The following IL1RAPL1 variants were observed in gnomAD, a reference collection of about 807,000 sequenced individuals.
IL1RAPL1 encodes interleukin-1 receptor accessory protein-like 1.
IL1RAPL1 carries 3 observed loss-of-function variants against 48.4 expected under a neutral mutation model. The observed-to-expected ratio is 0.06, with a 90% CI of 0.03 to 0.16. The LOEUF (loss-of-function observed/expected upper bound fraction) is 0.16, where lower values mean the gene tolerates loss of function less well. IL1RAPL1 is among the 10% of genes least tolerant of loss of function. The pLI is 1.00. For synonymous variants in IL1RAPL1, 185 were observed against 187.7 expected (o/e 0.99, Z 0.12); for missense variants, 349 against 530.6 (o/e 0.66, Z 3.36).
rs781674023 is a variant in IL1RAPL1, at chrX:29,283,003, C to T, written c.148C>T (p.Arg50Ter). 1 of 1,209,665 alleles carries T rather than the reference C, an allele frequency of 8.3e-7. No homozygotes were observed. The highest frequency in any genetic ancestry group is 2.2e-5 in the Admixed American group (1 of 45,972). Residue 50 changes from arginine (R) to a stop codon, truncating the protein, a stop_gained, in exon 3 of 11, where the codon CGA becomes TGA. Coordinates refer to ENST00000378993, the MANE Select transcript of IL1RAPL1 (RefSeq NM_014271.4). LOFTEE classifies it high-confidence loss of function. ...TCAAGTTTTGGTGGGAGAGCCTGTT[C>T]GAATCAAATGTGCACTCTTTTATGG... Reference protein sequence around the residue: ...KYQVLVGEPVRIKCALFYGYI... With the variant: ...KYQVLVGEPV
intron 9 of IL1RAPL1, among the ~76,000 whole-genome samples, chrX:29,952,596 CTT>C (rs1933341213): frequency 8.9e-6 from 1 of 112,158 alleles, no homozygotes; most frequent in Non-Finnish European, 1.9e-5. Context: ...TTCATGATTT[CTT>C]ACTCAACTAA....
In IL1RAPL1 at chrX:29,766,697, TATATA is replaced by T. The variant is rs1264297372; in HGVS notation, c.778+98199_778+98203del. Among the ~76,000 whole-genome samples, 5 of 87,972 alleles carry T rather than the reference TATATA, an allele frequency of 5.7e-5. No homozygotes were observed. In the East Asian group the frequency reaches 1.2e-3, roughly 22 times the overall value. The allele number at this position is 87,972 out of a possible 115,157, so 76.4% of individuals were successfully genotyped here. On this transcript the variant is annotated intron_variant, in intron 6 of 10. Transcript: ENST00000378993. ...TATATAAATATAAAGTATATATTAATATATAATATATAATATATGATATAAACAAA... is the reference window on the plus strand; with the variant it reads ...TATATAAATATAAAGTATATATTAATATATATAATATATGATATAAACAAA...
At chrX:29,143,663 C>T (rs1338162412) in intron 2 of IL1RAPL1, among the ~76,000 whole-genome samples, 1 of 111,820 alleles carries the variant, frequency 8.9e-6, no homozygotes, top group Non-Finnish European at 1.9e-5. Context: ...TGACAGTAAT[C>T]CTTATTTTAC....
At chrX:29,608,599 G>A (rs1256809236) in intron 5 of IL1RAPL1, among the ~76,000 whole-genome samples, 8 of 110,740 alleles carry the variant, frequency 7.2e-5, no homozygotes, top group African/African-American at 2.3e-4. Context: ...GGCCAAGGTG[G>A]GCGGATCACG....
chrX:29,892,310 C>A (rs1932288294), intron 6 of IL1RAPL1, among the ~76,000 whole-genome samples: 1 of 111,368 alleles, frequency 9.0e-6, no homozygotes, highest in African/African-American at 3.3e-5. Flanking sequence ...TAAAGTGAAC[C>A]CTCAGAGGAC....
At chrX:28,887,740 AATTC>A (rs1345671457) in intron 2 of IL1RAPL1, among the ~76,000 whole-genome samples, 1 of 111,793 alleles carries the variant, frequency 8.9e-6, no homozygotes, top group Non-Finnish European at 1.9e-5. Context: ...GTACTTGTGA[AATTC>A]ATTTGATATG....
At chrX:29,058,337 A>T in intron 2 of IL1RAPL1, among the ~76,000 whole-genome samples, 1 of 104,876 alleles carries the variant, frequency 9.5e-6, no homozygotes, top group East Asian at 3.0e-4. Flanking sequence ...AGATCACACC[A>T]CTGTACTCCA....
intron 2 of IL1RAPL1, among the ~76,000 whole-genome samples, chrX:29,132,870 AT>A (rs372068055): frequency 9.0e-5 from 10 of 110,537 alleles, no homozygotes; most frequent in African/African-American, 3.3e-4. Context: ...GGCTTTTTAG[AT>A]TTTTTTGAAT....
chrX:28,636,537 C>G lies in IL1RAPL1; in HGVS notation c.-25+48490C>G, dbSNP rs112811527. ...ATAAAACCTTTTCTCTCTCTTCAAG[C>G]AATAAGAAAAAATCAGGCTGTCCAG... On this transcript the variant is annotated intron_variant, in intron 1 of 10. Transcript: ENST00000378993. 3.5e-3 allele frequency among the ~76,000 whole-genome samples: 396 copies of G among 111,649 alleles called. 1 individual carries two copies. Among genetic ancestry groups the G allele is most frequent in the African/African-American group, 0.011 (342 of 30,786 alleles).
chrX:29,950,685 C>CT (rs67089905), intron 9 of IL1RAPL1, among the ~76,000 whole-genome samples: 781 of 74,004 alleles, frequency 0.011, 8 homozygotes, highest in African/African-American at 0.033. Context: ...TTTTTTTTTT[C>CT]TTTTTTTTTG....
chrX:28,816,369 A>G (rs1936871755), intron 2 of IL1RAPL1, among the ~76,000 whole-genome samples: 1 of 110,333 alleles, frequency 9.1e-6, no homozygotes, highest in South Asian at 3.8e-4. Context: ...AGTACCCAAC[A>G]GTTAGTTTTT....
chrX:29,331,247 A>G (rs754313369), intron 3 of IL1RAPL1, among the ~76,000 whole-genome samples: 18 of 111,553 alleles, frequency 1.6e-4, no homozygotes, highest in Non-Finnish European at 3.0e-4. Context: ...ATAGATACCC[A>G]CTGTATAGAA....
chrX:29,580,638 A>G (rs1922932122), intron 5 of IL1RAPL1, among the ~76,000 whole-genome samples: 2 of 111,614 alleles, frequency 1.8e-5, no homozygotes, highest in Non-Finnish European at 3.8e-5. Context: ...GTTAGACTCT[A>G]AGATGTAGGT....
At chrX:29,506,605 C>G (rs918866635) in intron 5 of IL1RAPL1, among the ~76,000 whole-genome samples, 1 of 110,672 alleles carries the variant, frequency 9.0e-6, no homozygotes, top group Non-Finnish European at 1.9e-5. Context: ...GGGAGGTATC[C>G]AAGGGGATAT....
chrX:28,923,863 T>C (rs1438757646), intron 2 of IL1RAPL1, among the ~76,000 whole-genome samples: 3 of 111,774 alleles, frequency 2.7e-5, no homozygotes, highest in Admixed American at 1.9e-4. Flanking sequence ...TTCAAAAATA[T>C]TGGTTTTTGT....
chrX:28,934,513 C>T (rs1320304095), intron 2 of IL1RAPL1, among the ~76,000 whole-genome samples: 1 of 110,746 alleles, frequency 9.0e-6, no homozygotes. Context: ...AACAATGTAC[C>T]CATTAACAGT....
At chrX:29,448,644 G>A (rs1161111658) in intron 5 of IL1RAPL1, among the ~76,000 whole-genome samples, 2 of 112,291 alleles carry the variant, frequency 1.8e-5, no homozygotes, top group African/African-American at 3.2e-5. Context: ...AGGTATTTCA[G>A]TTCTCAGAGG....
chrX:29,500,776 A>T (rs1338861036), intron 5 of IL1RAPL1, among the ~76,000 whole-genome samples: 1 of 111,722 alleles, frequency 9.0e-6, no homozygotes, highest in East Asian at 2.8e-4. Flanking sequence ...TGCAATAAAC[A>T]TGGAAGTGTA....
chrX:29,776,589 A>G (rs1402449031), intron 6 of IL1RAPL1, among the ~76,000 whole-genome samples: 3 of 112,067 alleles, frequency 2.7e-5, no homozygotes, highest in African/African-American at 9.7e-5. Context: ...ATAAAAATTT[A>G]TAGTCAGACT....
Sources: gnomAD v4.1 joint callset for allele counts (sites outside exome capture counted in the v4.1 genomes callset) on GRCh38, gnomAD v4.1.1 for gene constraint, MANE v1.5 for transcripts, NCBI Gene and HGNC (gene_info 2026-07-23, HGNC 2026-07-21) for gene names.